The following PHACTR1 variants were observed in gnomAD, a reference collection of about 807,000 sequenced individuals.
The protein encoded by PHACTR1 is RPEL repeat containing 1.
PHACTR1 carries 16 observed loss-of-function variants against 69.2 expected under a neutral mutation model. The observed-to-expected ratio is 0.23, with a 90% CI of 0.16 to 0.35. PHACTR1 has a LOEUF of 0.35. Among genes scored for constraint, PHACTR1 ranks in the 10% least tolerant of loss-of-function variants. The probability of loss-of-function intolerance (pLI) is 1.00; values close to 1 mark genes in which losing one functional copy is unlikely to be tolerated. For synonymous variants in PHACTR1, 312 were observed against 284.5 expected, an observed-to-expected ratio of 1.10 and a Z score of -0.97; for missense variants, 510 against 734.7, an observed-to-expected ratio of 0.69 and a Z score of 3.54.
rs552727024 is a variant in PHACTR1 at position 12,774,601 on chromosome 6, C to G, written c.250+24811C>G. On this transcript the variant is annotated intron_variant, in intron 4 of 14. Transcript: ENST00000332995. Reference sequence around the variant, plus strand: ...TAGAGACAGGGTTTCACCATGTTGGCCAGGCTGGTCTCAAACTCCTGACCT... The same window carrying G: ...TAGAGACAGGGTTTCACCATGTTGGGCAGGCTGGTCTCAAACTCCTGACCT... Among the ~76,000 whole-genome samples, 5 of 152,228 alleles carry G rather than the reference C, an allele frequency of 3.3e-5. No individual in the cohort carries two copies. The East Asian group carries it at 9.7e-4, about 29-fold the overall frequency.
In PHACTR1 at chr6:12,913,295, C is replaced by A. The variant is rs559753555; in HGVS notation, c.251-140070C>A. Among the ~76,000 whole-genome samples, 36 of 152,246 alleles carry A rather than the reference C, an allele frequency of 2.4e-4. No individual in the cohort carries two copies. The South Asian group carries it at 7.1e-3, about 30-fold the overall frequency. On this transcript the variant is annotated intron_variant, in intron 4 of 14. Transcript: ENST00000332995. ...ATTGGCCGTGAGCTCTCACTGTGTC[C>A]CAAGAGCACTTAAAATGTCAAAACC... is the stretch of plus-strand genomic sequence containing the variant.
At chr6:12,752,403 A>G (rs1766731006) in intron 4 of PHACTR1, among the ~76,000 whole-genome samples, 1 of 152,246 alleles carries the variant, frequency 6.6e-6, no homozygotes, top group Admixed American at 6.5e-5. Context: ...CAATTTATGA[A>G]CACTTAAGCA....
At chr6:12,773,046 C>T (rs893759967) in intron 4 of PHACTR1, among the ~76,000 whole-genome samples, 24 of 152,078 alleles carry the variant, frequency 1.6e-4, no homozygotes, top group African/African-American at 5.8e-4. Context: ...GAAAATATGC[C>T]CTTTAAAATA....
chr6:12,806,441 G>C (rs1390596416), intron 4 of PHACTR1, among the ~76,000 whole-genome samples: 1 of 151,780 alleles, frequency 6.6e-6, no homozygotes, highest in African/African-American at 2.4e-5. Context: ...CCTAATTCAG[G>C]CCCTTATTCC....
At chr6:13,243,212 T>C (rs1363105950) in intron 10 of PHACTR1, among the ~76,000 whole-genome samples, 1 of 152,032 alleles carries the variant, frequency 6.6e-6, no homozygotes, top group African/African-American at 2.4e-5. Flanking sequence ...TGTGCATTAA[T>C]GTGAACAACT....
chr6:12,852,755 C>A (rs1172491304), intron 4 of PHACTR1, among the ~76,000 whole-genome samples: 1 of 152,144 alleles, frequency 6.6e-6, no homozygotes, highest in Non-Finnish European at 1.5e-5. Context: ...GTAAACGTTG[C>A]TCAGAAAGTA....
At chr6:13,027,494 C>G (rs906149744) in intron 4 of PHACTR1, among the ~76,000 whole-genome samples, 1 of 152,108 alleles carries the variant, frequency 6.6e-6, no homozygotes, top group African/African-American at 2.4e-5. Context: ...CAACACTTCT[C>G]AAGTTAAGGG....
chr6:12,919,387 T>C (rs1379146606), intron 4 of PHACTR1, among the ~76,000 whole-genome samples: 1 of 152,128 alleles, frequency 6.6e-6, no homozygotes, highest in East Asian at 1.9e-4. Flanking sequence ...GTGATCTGCC[T>C]GCCTCGGCCT....
intron 10 of PHACTR1, among the ~76,000 whole-genome samples, chr6:13,237,334 GCCACT>G (rs1455966516): frequency 6.6e-6 from 1 of 152,056 alleles, no homozygotes; most frequent in Non-Finnish European, 1.5e-5. Context: ...CTATAATTGT[GCCACT>G]GCACTCCAGC....
At chr6:12,826,378 G>T (rs1278225334) in intron 4 of PHACTR1, among the ~76,000 whole-genome samples, 1 of 152,154 alleles carries the variant, frequency 6.6e-6, no homozygotes, top group African/African-American at 2.4e-5. Context: ...TTTAGATGCG[G>T]TTACATAATT....
chr6:13,244,838 A>T (rs1377265311), intron 10 of PHACTR1, among the ~76,000 whole-genome samples: 7 of 151,100 alleles, frequency 4.6e-5, no homozygotes, highest in African/African-American at 1.7e-4. Flanking sequence ...CATCCTCCTC[A>T]GCTGACAGGA....
chr6:13,105,148 A>C (rs1815880145), intron 5 of PHACTR1, among the ~76,000 whole-genome samples: 1 of 152,174 alleles, frequency 6.6e-6, no homozygotes, highest in African/African-American at 2.4e-5. Flanking sequence ...TTGAGAGGCC[A>C]AGGAGGGAAG....
At chr6:12,746,594 A>T (rs1186145239) in intron 3 of PHACTR1, among the ~76,000 whole-genome samples, 2 of 152,226 alleles carry the variant, frequency 1.3e-5, no homozygotes, top group African/African-American at 4.8e-5. Flanking sequence ...ATTTTTGTCA[A>T]AAGTTTAGCT....
At chr6:12,850,473 A>C (rs1779724162) in intron 4 of PHACTR1, among the ~76,000 whole-genome samples, 1 of 152,008 alleles carries the variant, frequency 6.6e-6, no homozygotes, top group Non-Finnish European at 1.5e-5. Flanking sequence ...GGGAAACTTT[A>C]CTTCTTCATC....
intron 4 of PHACTR1, among the ~76,000 whole-genome samples, chr6:12,880,520 T>C (rs1396860714): frequency 6.6e-6 from 1 of 152,178 alleles, no homozygotes; most frequent in African/African-American, 2.4e-5. Context: ...CATCCCAAAA[T>C]GCTGGGATTA....
intron 4 of PHACTR1, among the ~76,000 whole-genome samples, chr6:12,852,699 A>G (rs970484714): frequency 3.3e-5 from 5 of 152,214 alleles, no homozygotes; most frequent in African/African-American, 1.2e-4. Flanking sequence ...ATGCTTCTCA[A>G]TGGATCACAA....
chr6:13,203,743 A>G (rs1424815899), intron 7 of PHACTR1, among the ~76,000 whole-genome samples: 1 of 152,200 alleles, frequency 6.6e-6, no homozygotes, highest in Non-Finnish European at 1.5e-5. Context: ...GGTTATGGGA[A>G]CATCAGGCAG....
intron 4 of PHACTR1, among the ~76,000 whole-genome samples, chr6:12,949,755 C>G (rs1215694722): frequency 3.3e-5 from 5 of 152,070 alleles, no homozygotes; most frequent in Admixed American, 2.6e-4. Context: ...TAAAAGTAAA[C>G]AGCTTCTGTG....
chr6:13,181,888 T>C (rs1426725870), intron 6 of PHACTR1, among the ~76,000 whole-genome samples: 1 of 152,212 alleles, frequency 6.6e-6, no homozygotes, highest in African/African-American at 2.4e-5. Context: ...TTCCCAAGTT[T>C]TTAGAAATTA....
Sources: allele counts gnomAD v4.1 joint callset (sites outside exome capture counted in the v4.1 genomes callset), GRCh38; gene constraint gnomAD v4.1.1; transcripts MANE v1.5; gene names NCBI Gene and HGNC (gene_info 2026-07-23, HGNC 2026-07-21).